The following RBBP4 variants were observed in gnomAD, a reference collection of about 807,000 sequenced individuals.
RBBP4 encodes the protein histone-binding protein RBBP4.
RBBP4 carries 3 observed loss-of-function variants against 57.2 expected under a neutral mutation model. The ratio of observed to expected loss-of-function variants is 0.05; its 90% confidence interval spans 0.02 to 0.14. The LOEUF (loss-of-function observed/expected upper bound fraction) is 0.14. Ranked by LOEUF, RBBP4 falls within the 10% of genes least tolerant of loss-of-function variation. The pLI is 1.00. For synonymous variants in RBBP4, 151 were observed against 171.5 expected, an observed-to-expected ratio of 0.88 and a Z score of 0.93; for missense variants, 107 against 520.6, an observed-to-expected ratio of 0.21 and a Z score of 7.73.
intron 2 of RBBP4, 21 bp from the exon 3 acceptor site, chr1:32,657,406 G>T (rs781100990): frequency 1.3e-5 from 21 of 1,605,612 alleles, no homozygotes; most frequent in Admixed American, 1.7e-5. Flanking sequence ...TTTGAACAGT[G>T]ACTATATATT....
chr1:32,673,666 G>T (rs1648971294), intron 11 of RBBP4: 1 of 218,366 alleles, frequency 4.6e-6, no homozygotes, highest in Non-Finnish European at 9.4e-6. Flanking sequence ...TCAAACTCCT[G>T]ACCTTGTGAT....
At chr1:32,674,661 CTCA>C (rs1649018773) in intron 11 of RBBP4, among the ~76,000 whole-genome samples, 3 of 151,704 alleles carry the variant, frequency 2.0e-5, no homozygotes, top group Admixed American at 1.3e-4. Flanking sequence ...TAGTTTTTGA[CTCA>C]TCATGAGGAG....
chr1:32,670,538 T>G (rs1463261019), intron 8 of RBBP4, among the ~76,000 whole-genome samples: 1 of 151,238 alleles, frequency 6.6e-6, no homozygotes, highest in East Asian at 1.9e-4. Context: ...TTATGTAGCC[T>G]TTGCTATCAA....
Position 32,658,287 on chromosome 1 carries a change from A to G in RBBP4, c.310+715A>G, listed in dbSNP as rs145647731. Among the ~76,000 whole-genome samples the G allele has an allele frequency of 1.5e-3, 221 of 151,584 alleles. 1 individual carries two copies. In the East Asian group the frequency reaches 0.016, roughly 11 times the overall value. ...CAGATATGCACAGAGGACATAGGAT[A>G]TCTATGGTATTAAAATTTCATGGGA... On this transcript the variant is annotated intron_variant, in intron 3 of 11. Coordinates refer to ENST00000373493, the MANE Select transcript of RBBP4 (RefSeq NM_005610.3).
intron 11 of RBBP4, among the ~76,000 whole-genome samples, chr1:32,677,241 A>G (rs757980265): frequency 1.1e-4 from 17 of 152,186 alleles, no homozygotes; most frequent in East Asian, 1.9e-4. Flanking sequence ...AGAAAGGCCA[A>G]TCACTTGATT....
intron 1 of RBBP4, 28 bp from the exon 2 acceptor site, chr1:32,651,886 A>G: frequency 6.2e-7 from 1 of 1,610,234 alleles, no homozygotes; most frequent in Non-Finnish European, 8.5e-7. Flanking sequence ...TTTGTTTGCT[A>G]ACTTAAATTT....
intron 3 of RBBP4, among the ~76,000 whole-genome samples, chr1:32,665,238 T>A (rs941702376): frequency 3.3e-5 from 5 of 152,154 alleles, no homozygotes; most frequent in African/African-American, 1.2e-4. Context: ...TCCTTTAGAA[T>A]CTATCTTGAA....
In RBBP4 at chr1:32,653,637, G is replaced by GTTTTTTTTGTTTTTTTTTTTTTTTTTTT. The variant is rs1557849770; in HGVS notation, c.164+1584_164+1585insGTTTTTTTTTTTTTTTTTTTTTTTTTTT. Among the ~76,000 whole-genome samples, 7 of 20,782 alleles carry GTTTTTTTTGTTTTTTTTTTTTTTTTTTT rather than the reference G, an allele frequency of 3.4e-4. 1 individual carries two copies. Among genetic ancestry groups the GTTTTTTTTGTTTTTTTTTTTTTTTTTTT allele is most frequent in the Admixed American group, 8.8e-4 (1 of 1,134 alleles). The allele number at this position is 20,782 out of a possible 152,430, so 13.6% of individuals were successfully genotyped here. A position where few individuals can be genotyped will look rare whatever the true frequency, so the allele number is the denominator to read the frequency against. ...TGCTTTGTGTGTTTTTTGTTTTCTG[G>GTTTTTTTTGTTTTTTTTTTTTTTTTTTT]TTTTTTTTTTTTTTTTTTTTTTGTT... On this transcript the variant is annotated intron_variant, in intron 2 of 11. Coordinates refer to ENST00000373493, the MANE Select transcript of RBBP4 (RefSeq NM_005610.3).
Position 32,681,405 on chromosome 1 carries a change from A to G in RBBP4, c.*1700A>G, listed in dbSNP as rs1379043196. ...ACACTCGTGGCACAAAAGAATGGAA[A>G]TTGTAAACCCATGTAATGGAAATTG... On this transcript the variant is annotated 3_prime_UTR_variant, in exon 12 of 12. Transcript: ENST00000373493. The G allele has an allele frequency of 6.0e-6, 1 of 165,816 alleles. No homozygotes were observed. The highest frequency in any genetic ancestry group is 2.4e-5 in the African/African-American group (1 of 41,958). 10.3% of individuals were successfully genotyped at this position (165,816 alleles called of 1,614,324 possible).
In RBBP4 at chr1:32,684,649, C is replaced by CTT. The variant is rs1307163723; in HGVS notation, c.*4948_*4949dup. ...TAGAATCCTGGGAGGGTGATTGGGA[C>CTT]TTTTTAGTATTACAACCTTAGTGTC... On this transcript the variant is annotated 3_prime_UTR_variant, in exon 12 of 12. Coordinates refer to ENST00000373493, the MANE Select transcript of RBBP4 (RefSeq NM_005610.3). 1 of 420,028 alleles carries CTT rather than the reference C, an allele frequency of 2.4e-6. No individual in the cohort carries two copies. The highest frequency in any genetic ancestry group is 4.3e-6 in the Non-Finnish European group (1 of 230,348). The allele number at this position is 420,028 out of a possible 1,614,324, so 26.0% of individuals were successfully genotyped here.
intron 3 of RBBP4, among the ~76,000 whole-genome samples, chr1:32,666,510 C>T (rs1241436589): frequency 6.6e-6 from 1 of 152,072 alleles, no homozygotes; most frequent in Non-Finnish European, 1.5e-5. Flanking sequence ...GCGCCTGCCA[C>T]GACGCCCAGC....
At chr1:32,675,977 C>T (rs1369502109) in intron 11 of RBBP4, among the ~76,000 whole-genome samples, 2 of 150,740 alleles carry the variant, frequency 1.3e-5, no homozygotes, top group Non-Finnish European at 3.0e-5. Context: ...ATCCCAGCTA[C>T]TTGGGAGGCC....
At position 32,680,369 on chromosome 1, in the gene RBBP4, T is replaced by C; in HGVS notation, c.*664T>C. On this transcript the variant is annotated 3_prime_UTR_variant, in exon 12 of 12. Transcript: ENST00000373493. ...TTTTTTGTTGTTGGTTTTTTTTTTT[T>C]TTTTTTTAACTTGGGACCACCAAGT... The C allele has an allele frequency of 8.8e-7, 1 of 1,133,670 alleles. No individual in the cohort carries two copies. Among genetic ancestry groups the C allele is most frequent in the Middle Eastern group, 3.7e-4 (1 of 2,690 alleles). The allele number at this position is 1,133,670 out of a possible 1,614,324, so 70.2% of individuals were successfully genotyped here.
chr1:32,655,805 A>G (rs1467589388), intron 2 of RBBP4, among the ~76,000 whole-genome samples: 4 of 152,170 alleles, frequency 2.6e-5, no homozygotes. Context: ...TAGGCAGTCA[A>G]TTTATAAACC....
rs563251928 is a variant in RBBP4, at chr1:32,662,935, G to T, written c.311-5290G>T. ...GGAGGCGGAGGTTGCAGTGAGCCGA[G>T]ATCGTGCTACTACTGCACTCCAGCC... On this transcript the variant is annotated intron_variant, in intron 3 of 11. Transcript: ENST00000373493. Among the ~76,000 whole-genome samples, 255 of 152,186 alleles carry T rather than the reference G, an allele frequency of 1.7e-3. 1 individual carries two copies. Among genetic ancestry groups the T allele is most frequent in the Non-Finnish European group, 2.9e-3 (200 of 68,006 alleles).
At position 32,679,657 on chromosome 1, in the gene RBBP4, T is replaced by A; in HGVS notation, c.1230T>A (p.Asn410Lys). 6.3e-7 allele frequency: 1 copy of A among 1,586,786 alleles called. No individual in the cohort carries two copies. The highest frequency in any genetic ancestry group is 1.7e-4 in the Middle Eastern group (1 of 5,924). The change falls in exon 12 of 12, where the codon AAT becomes AAA. Residue 410 changes from asparagine (N) to lysine (K), a missense_variant. By Grantham distance (94) the Asn-to-Lys change is moderately conservative. This residue lies in a region of RBBP4 where 14 missense variants were observed against 52.0 expected (regional missense o/e 0.27). Coordinates refer to ENST00000373493, the MANE Select transcript of RBBP4 (RefSeq NM_005610.3). The stretch of plus-strand genomic sequence containing the variant: ...TTGGGCAGGCAGAGAACATTTATAA[T>A]GATGAAGACCCTGAAGGAAGCGTGG... ...QVWQMAENIY[N>K]DEDPEGSVDP...
rs1648778676 is a variant in RBBP4, at chr1:32,669,432, GTA to G, written c.889-52_889-51del. 2 of 1,564,018 alleles carry G rather than the reference GTA, an allele frequency of 1.3e-6. No individual in the cohort carries two copies. The highest frequency in any genetic ancestry group is 2.8e-5 in the African/African-American group (2 of 71,902). On this transcript the variant is annotated intron_variant, in intron 7 of 11. Transcript: ENST00000373493. The surrounding 1 kb of genome is among the most constrained non-coding windows in gnomAD (Gnocchi z 4.9). ...GAATTGCAGAGATATTTTACTTACA[GTA>G]TTTTTTTTTTCTTAAAAAATTGATT... is the stretch of plus-strand genomic sequence containing the variant.
chr1:32,659,041 A>G (rs1159930821), intron 3 of RBBP4, among the ~76,000 whole-genome samples: 3 of 147,326 alleles, frequency 2.0e-5, no homozygotes, highest in South Asian at 4.2e-4. Context: ...TAAATGTATT[A>G]TATTTATATA....
At chr1:32,676,014 C>CG (rs1649088895) in intron 11 of RBBP4, among the ~76,000 whole-genome samples, 1 of 150,240 alleles carries the variant, frequency 6.7e-6, no homozygotes, top group African/African-American at 2.5e-5. Context: ...TTGAATCCAG[C>CG]GGGTAGAGGC....
Sources: gnomAD v4.1 joint callset for allele counts (sites outside exome capture counted in the v4.1 genomes callset) on GRCh38, gnomAD v4.1.1 for gene constraint, gnomAD v4.1.1 regional missense constraint, Gnocchi (gnomAD v3.1) non-coding constraint, MANE v1.5 for transcripts, NCBI Gene and HGNC (gene_info 2026-07-23, HGNC 2026-07-21) for gene names.